Variants in JCAD observed in about 807,000 individuals in gnomAD.
The protein encoded by JCAD is junctional cadherin 5-associated protein.
Under a neutral mutation model 98.0 loss-of-function variants are expected in JCAD, and 40 were observed. The ratio of observed to expected loss-of-function variants is 0.41; its 90% CI spans 0.32 to 0.53. JCAD has a LOEUF of 0.53. Ranked by LOEUF, JCAD falls within the 20% of genes least tolerant of loss-of-function variation. JCAD has a pLI of 0.31. For synonymous variants in JCAD, 691 were observed against 682.3 expected, an observed-to-expected ratio of 1.01 and a Z score of -0.20; for missense variants, 1,705 against 1,738.1, an observed-to-expected ratio of 0.98 and a Z score of 0.34.
intron 1 of JCAD, among the ~76,000 whole-genome samples, chr10:30,049,597 A>G (rs528039276): frequency 3.9e-4 from 59 of 152,326 alleles, no homozygotes; most frequent in African/African-American, 1.4e-3. Context: ...AAATCTCCAT[A>G]GCAACTCTGC....
intron 2 of JCAD, among the ~76,000 whole-genome samples, chr10:30,065,748 A>AGGG (rs1837774063): frequency 6.6e-6 from 1 of 152,000 alleles, no homozygotes; most frequent in African/African-American, 2.4e-5. Context: ...CAAAGTTCCC[A>AGGG]CCTTGGCCTC....
intron 2 of JCAD, among the ~76,000 whole-genome samples, chr10:30,047,239 G>A (rs1031539436): frequency 8.5e-5 from 13 of 152,174 alleles, no homozygotes; most frequent in African/African-American, 2.4e-4. Flanking sequence ...AGGTGTGGTG[G>A]CACATGCCTG....
intron 2 of JCAD, among the ~76,000 whole-genome samples, chr10:30,034,509 A>G (rs894378796): frequency 6.6e-6 from 1 of 152,084 alleles, no homozygotes; most frequent in African/African-American, 2.4e-5. Flanking sequence ...TTATGTTTTG[A>G]GCATTTGGGT....
chr10:30,105,544 G>C (rs534594099), intron 1 of JCAD, among the ~76,000 whole-genome samples: 4 of 151,966 alleles, frequency 2.6e-5, no homozygotes, highest in East Asian at 1.9e-4. Context: ...GCCTGGTCTC[G>C]AACTCCTGAC....
At chr10:30,093,057 C>T (rs1044811134) in intron 1 of JCAD, among the ~76,000 whole-genome samples, 1 of 151,884 alleles carries the variant, frequency 6.6e-6, no homozygotes, top group Non-Finnish European at 1.5e-5. Context: ...AATGGATTTA[C>T]CACAATAAAC....
At chr10:30,080,779 T>G (rs935944623) in intron 1 of JCAD, among the ~76,000 whole-genome samples, 1 of 152,180 alleles carries the variant, frequency 6.6e-6, no homozygotes, top group African/African-American at 2.4e-5. Context: ...CCCACTCCTG[T>G]GCCCCTGTTC....
chr10:30,110,148 G>A (rs1564476254), intron 1 of JCAD, among the ~76,000 whole-genome samples: 1 of 150,416 alleles, frequency 6.6e-6, no homozygotes, highest in Non-Finnish European at 1.5e-5. Flanking sequence ...GTATAGACCA[G>A]CTGATGTGTG....
chr10:30,064,083 G>A (rs753993605), upstream of JCAD, among the ~76,000 whole-genome samples: 2 of 152,106 alleles, frequency 1.3e-5, no homozygotes, highest in Non-Finnish European at 2.9e-5. Context: ...GGGATTACAG[G>A]TGAAAACCAT....
chr10:30,072,599 G>C (rs1048568694), intron 1 of JCAD, among the ~76,000 whole-genome samples: 6 of 151,986 alleles, frequency 3.9e-5, no homozygotes, highest in Non-Finnish European at 8.8e-5. Flanking sequence ...AAAAGAAGTA[G>C]TGGTTGGCTA....
intron 1 of JCAD, among the ~76,000 whole-genome samples, chr10:30,084,479 C>T (rs140114488): frequency 0.011 from 1,619 of 152,148 alleles, 33 homozygotes; most frequent in African/African-American, 0.036. Context: ...AATCACCCTC[C>T]CTAAAGTGGG....
Position 30,079,558 on chromosome 10 carries a change from T to C in JCAD, n.129-9737A>G, listed in dbSNP as rs1466883565. 2.0e-5 allele frequency among the ~76,000 whole-genome samples: 3 copies of C among 152,156 alleles called. No homozygotes were observed. In the East Asian group the frequency reaches 5.8e-4, roughly 29 times the overall value. On this transcript the variant is annotated intron_variant and non_coding_transcript_variant, in intron 1 of 2. Transcript: ENST00000465712. Reference sequence around the variant, plus strand: ...TGCCCCTGTCTAGGCAGAGAATCTTTGTAAACCTCTTCCTGGTTCCTGGTC... The same window carrying C: ...TGCCCCTGTCTAGGCAGAGAATCTTCGTAAACCTCTTCCTGGTTCCTGGTC...
intron 1 of JCAD, among the ~76,000 whole-genome samples, chr10:30,085,466 G>A (rs925464040): frequency 6.6e-6 from 1 of 152,184 alleles, no homozygotes; most frequent in Admixed American, 6.5e-5. Flanking sequence ...TGTAATACAG[G>A]CAAAGGTTTT....
chr10:30,036,084 ACATGACTCCTTCT>A, intron 2 of JCAD, among the ~76,000 whole-genome samples: 1 of 152,372 alleles, frequency 6.6e-6, no homozygotes, highest in South Asian at 2.1e-4. Context: ...CTGTTCATTC[ACATGACTCCTTCT>A]CAACCACAAT....
In JCAD at chr10:30,023,491, T is replaced by C. The variant is rs140285509; in HGVS notation, c.4045+2612A>G. On this transcript the variant is annotated intron_variant, in intron 3 of 3. Coordinates refer to ENST00000375377, the MANE Select transcript of JCAD (RefSeq NM_020848.4). ...ACTAGGTGTGTAGTAGATTCTACCA[T>C]CTAGGTTTGTAGAAGTGCACTCTCT... Among the ~76,000 whole-genome samples the C allele has an allele frequency of 2.3e-3, 350 of 152,260 alleles. 1 individual carries two copies. Among genetic ancestry groups the C allele is most frequent in the African/African-American group, 7.9e-3 (329 of 41,562 alleles).
intron 1 of JCAD, among the ~76,000 whole-genome samples, chr10:30,077,359 C>T (rs1391678956): frequency 1.3e-5 from 2 of 152,152 alleles, no homozygotes; most frequent in East Asian, 3.9e-4. Flanking sequence ...TCACTGCAGC[C>T]TCTGCCTCCT....
chr10:30,105,358 CT>C (rs201535105), intron 1 of JCAD, among the ~76,000 whole-genome samples: 12,964 of 143,410 alleles, frequency 0.09, 718 homozygotes, highest in East Asian at 0.21. Flanking sequence ...TTCTTTCTTT[CT>C]TTTTTTTTTT....
At chr10:30,096,023 C>A (rs1289356508) in intron 1 of JCAD, among the ~76,000 whole-genome samples, 1 of 152,150 alleles carries the variant, frequency 6.6e-6, no homozygotes, top group Non-Finnish European at 1.5e-5. Flanking sequence ...GGAAAAAATG[C>A]AGTATTTTGC....
chr10:30,088,785 T>C (rs1490223609), intron 1 of JCAD, among the ~76,000 whole-genome samples: 1 of 151,950 alleles, frequency 6.6e-6, no homozygotes, highest in African/African-American at 2.4e-5. Context: ...CTGGCCAACA[T>C]TGTGAAACCC....
intron 3 of JCAD, among the ~76,000 whole-genome samples, chr10:30,025,639 T>A (rs1279395094): frequency 6.7e-6 from 1 of 150,348 alleles, no homozygotes; most frequent in Non-Finnish European, 1.5e-5. Flanking sequence ...GTGGATCTTT[T>A]GACATTTATC....
Sources: allele counts gnomAD v4.1 joint callset (sites outside exome capture counted in the v4.1 genomes callset), GRCh38; gene constraint gnomAD v4.1.1; transcripts MANE v1.5; gene names NCBI Gene and HGNC (gene_info 2026-07-23, HGNC 2026-07-21).